INPPL1: variants seen among roughly 807,000 people sequenced by gnomAD.
INPPL1 encodes the protein phosphatidylinositol 3,4,5-trisphosphate 5-phosphatase 2.
In INPPL1, 91 loss-of-function variants were observed where a neutral mutation model predicts 139.3. That is an observed-to-expected ratio of 0.65 (90% confidence interval 0.55 to 0.78). The LOEUF is 0.78. INPPL1 is among the 30% of genes least tolerant of loss of function. The pLI, the probability that INPPL1 is intolerant of heterozygous loss-of-function variation, is 0.00. For synonymous variants in INPPL1, 719 were observed against 686.6 expected, an observed-to-expected ratio of 1.05 and a Z score of -0.74; for missense variants, 1,411 against 1,665.6, an observed-to-expected ratio of 0.85 and a Z score of 2.66.
chr11:72,237,374 T>C lies in INPPL1; in HGVS notation c.3130T>C (p.Ser1044Pro). 1 of 1,612,728 alleles carries C rather than the reference T, an allele frequency of 6.2e-7. No individual in the cohort carries two copies. The highest frequency in any genetic ancestry group is 8.5e-7 in the Non-Finnish European group (1 of 1,179,744). Residue 1044 changes from serine (S) to proline (P), a missense_variant, in exon 26 of 28, where the codon TCT (serine) becomes CCT (proline). Around this residue, in one of 5 missense-constraint regions of INPPL1, gnomAD observed 438 missense variants for 425.7 expected, o/e 1.03. Transcript: ENST00000298229. ...VGEGSSSDEE[S>P]GGTLPPPDFP... ...AGAGGGGAGTTCTTCAGATGAGGAG[T>C]CTGGAGGCACACTGCCCCCTCCAGA...
chr11:72,227,295 A>G (rs901862751), intron 1 of INPPL1, among the ~76,000 whole-genome samples: 1 of 152,188 alleles, frequency 6.6e-6, no homozygotes, highest in Non-Finnish European at 1.5e-5. Context: ...GGGGATAATA[A>G]TATCTGTTTA....
Position 72,235,002 on chromosome 11 carries a change from A to C in INPPL1, c.2416-114A>C. On this transcript the variant is annotated intron_variant, in intron 21 of 27. Coordinates refer to ENST00000298229, the MANE Select transcript of INPPL1 (RefSeq NM_001567.4). The surrounding 1 kb of genome is among the most constrained non-coding windows in gnomAD (Gnocchi z 4.9). Reference sequence around the variant, plus strand: ...GCTCTTCTCTGAAGAGTTGAGTGTGAGTGAGCACAGATGACCTGAGGGTGG... The same window carrying C: ...GCTCTTCTCTGAAGAGTTGAGTGTGCGTGAGCACAGATGACCTGAGGGTGG... 1 of 824,794 alleles carries C rather than the reference A, an allele frequency of 1.2e-6. No homozygotes were observed. The highest frequency in any genetic ancestry group is 2.0e-6 in the Non-Finnish European group (1 of 502,912). The allele number at this position is 824,794 out of a possible 1,614,324, so 51.1% of individuals were successfully genotyped here. A position where few individuals can be genotyped will look rare whatever the true frequency, so the allele number is the denominator to read the frequency against.
At position 72,235,156 on chromosome 11, in the gene INPPL1, AGCACCTCCT is replaced by A; in HGVS notation, c.2459_2467del (p.His820_Leu822del). On this transcript the variant is annotated inframe_deletion, in exon 22 of 28. Transcript: ENST00000298229. This position sits in a 1 kb window ranked among gnomAD's most constrained non-coding sequence, Gnocchi z 4.9. ...GCTGATATCGAGTACCTGCAGGACC[AGCACCTCCT>A]GCTCACAGTCAAGTCCATGGATGGC... The A allele has an allele frequency of 6.2e-7, 1 of 1,614,038 alleles. No homozygotes were observed. Among genetic ancestry groups the A allele is most frequent in the Non-Finnish European group, 8.5e-7 (1 of 1,180,008 alleles).
At chr11:72,229,279 T>C in intron 5 of INPPL1, 49 bp downstream of exon 5, 2 of 1,553,114 alleles carry the variant, frequency 1.3e-6, no homozygotes, top group Non-Finnish European at 1.8e-6. Context: ...CTCTGACCTG[T>C]CCTCACCTGC....
rs1290389677 is a variant in INPPL1, at chr11:72,225,113, C to T, written c.129C>T (p.Ser43=). Reference sequence around the variant, plus strand: ...TGGCCCGGGCGGGCCGCGATGGCAGCTTCCTGGTCCGAGACAGCGAGAGCG... The same window carrying T: ...TGGCCCGGGCGGGCCGCGATGGCAGTTTCCTGGTCCGAGACAGCGAGAGCG... ...ELLARAGRDG[S]FLVRDSESVA... Residue 43 remains serine, a synonymous_variant, in exon 1 of 28, where the codon AGC becomes AGT. Transcript: ENST00000298229. 7.3e-6 allele frequency: 9 copies of T among 1,232,904 alleles called. No individual in the cohort carries two copies. Among genetic ancestry groups the T allele is most frequent in the Non-Finnish European group, 1.0e-6 (1 of 988,540 alleles). The allele number at this position is 1,232,904 out of a possible 1,614,324, so 76.4% of individuals were successfully genotyped here.
In INPPL1 at chr11:72,237,266, CCT is replaced by C; in HGVS notation, c.3023_3024del (p.Pro1008ArgfsTer34). 1 of 1,614,032 alleles carries C rather than the reference CCT, an allele frequency of 6.2e-7. No individual in the cohort carries two copies. The highest frequency in any genetic ancestry group is 1.3e-5 in the African/African-American group (1 of 75,044). ...GGAGCCACCCTCGCCTGCCAGGGCC[CCT>C]GTCCCATCTGCCACCAAGAACAAAG... ...PPEPPSPARA[P>X]VPSATKNKVA... On this transcript the variant is annotated frameshift_variant, in exon 26 of 28. Transcript: ENST00000298229. LOFTEE classifies it high-confidence loss of function.
chr11:72,225,106 A>G lies in INPPL1; in HGVS notation c.122A>G (p.Asp41Gly). ...AEELLARAGR[D>G]GSFLVRDSES... ...GAGCTGCTGGCCCGGGCGGGCCGCG[A>G]TGGCAGCTTCCTGGTCCGAGACAGC... Residue 41 changes from aspartate (D) to glycine (G), a missense_variant, in exon 1 of 28, where the codon GAT becomes GGT. Physicochemically the swap from Asp to Gly is moderately conservative, Grantham distance 94 (BLOSUM62 -1). Coordinates refer to ENST00000298229, the MANE Select transcript of INPPL1 (RefSeq NM_001567.4). The G allele has an allele frequency of 4.1e-6, 5 of 1,232,170 alleles. No homozygotes were observed. The highest frequency in any genetic ancestry group is 3.1e-5 in the East Asian group (1 of 31,826). The allele number at this position is 1,232,170 out of a possible 1,614,324, so 76.3% of individuals were successfully genotyped here. A position where few individuals can be genotyped will look rare whatever the true frequency, so the allele number is the denominator to read the frequency against.
intron 17 of INPPL1, 138 bp from the exon 18 acceptor site, chr11:72,233,303 T>A: frequency 9.5e-7 from 1 of 1,049,594 alleles, no homozygotes; most frequent in Non-Finnish European, 1.4e-6. Flanking sequence ...TCCTGGGTAT[T>A]TTGAGGATCC....
intron 14 of INPPL1, 127 bp downstream of exon 14, chr11:72,232,463 C>A (rs1174158503): frequency 8.2e-7 from 1 of 1,214,356 alleles, no homozygotes; most frequent in Non-Finnish European, 1.2e-6. Flanking sequence ...GCTCTCTTAT[C>A]CCAATTCAAG....
At chr11:72,232,410 C>G in intron 14 of INPPL1, 74 bp downstream of exon 14, 1 of 1,384,484 alleles carries the variant, frequency 7.2e-7, no homozygotes, top group African/African-American at 1.4e-5. Context: ...CTCCCATACC[C>G]TAGCCCATGA....
chr11:72,233,354 G>C (rs1948890048), intron 17 of INPPL1, 87 bp from the exon 18 acceptor site: 1 of 1,195,230 alleles, frequency 8.4e-7, no homozygotes, highest in Non-Finnish European at 1.2e-6. Context: ...TAATAGAAGT[G>C]TGGGGACTCA....
In INPPL1 at chr11:72,237,551, C is replaced by T. The variant is rs1949025832; in HGVS notation, c.3307C>T (p.Pro1103Ser). 1 of 1,600,404 alleles carries T rather than the reference C, an allele frequency of 6.2e-7. No homozygotes were observed. The highest frequency in any genetic ancestry group is 8.5e-7 in the Non-Finnish European group (1 of 1,171,216). The change falls in exon 26 of 28, where the codon CCC becomes TCC. Residue 1103 changes from proline (P) to serine (S), a missense_variant. Transcript: ENST00000298229. ...TCCAAGGCCTCCACTGCCCCCAGGC[C>T]CCTCACCAGCCAGCACTTTCCTGGG... ...AHPRPPLPPG[P>S]SPASTFLGEV...
chr11:72,234,300 C>T lies in INPPL1; in HGVS notation c.2232C>T (p.Asp744=). Residue 744 remains aspartate, a synonymous_variant, in exon 20 of 28, where the codon GAC becomes GAT. Transcript: ENST00000298229. The surrounding 1 kb of genome is among the most constrained non-coding windows in gnomAD (Gnocchi z 4.2). ...CCTCAGGGCTCTCAAAGACTTCAGA[C>T]CAGGCCTACATTGAGTTTGAGAGCA... ...ISKKGLSKTS[D]QAYIEFESIE... The T allele has an allele frequency of 6.2e-7, 1 of 1,613,880 alleles. No homozygotes were observed. Among genetic ancestry groups the T allele is most frequent in the Non-Finnish European group, 8.5e-7 (1 of 1,179,782 alleles).
In INPPL1 at chr11:72,228,369, C is replaced by T. The variant is rs148394356; in HGVS notation, c.268C>T (p.Arg90Cys). 2.4e-5 allele frequency: 38 copies of T among 1,613,344 alleles called. No homozygotes were observed. Among genetic ancestry groups the T allele is most frequent in the African/African-American group, 2.3e-4 (17 of 74,908 alleles). Reference sequence around the variant, plus strand: ...ACAGACCTCGCAGGGTGTGCCTGTGCGCCGCTTCCAGACCCTGGGTGAGCT... The same window carrying T: ...ACAGACCTCGCAGGGTGTGCCTGTGTGCCGCTTCCAGACCCTGGGTGAGCT... ...AVQTSQGVPV[R>C]RFQTLGELIG... Residue 90 changes from arginine (R) to cysteine (C), a missense_variant, in exon 3 of 28, where the codon CGC becomes TGC. Physicochemically the swap from Arg to Cys is radical, Grantham distance 180. Around this residue, in one of 5 missense-constraint regions of INPPL1, gnomAD observed 504 missense variants for 595.6 expected, o/e 0.85. Coordinates refer to ENST00000298229, the MANE Select transcript of INPPL1 (RefSeq NM_001567.4). This position sits in a 1 kb window ranked among gnomAD's most constrained non-coding sequence, Gnocchi z 5.0.
intron 6 of INPPL1, 45 bp from the exon 7 acceptor site, chr11:72,229,618 C>A (rs1311542261): frequency 6.2e-7 from 1 of 1,611,920 alleles, no homozygotes; most frequent in South Asian, 1.1e-5. Flanking sequence ...GTGGGAGGCT[C>A]TGCTTAGGTG....
Position 72,232,768 on chromosome 11 carries a change from C to T in INPPL1, c.1851+4C>T, listed in dbSNP as rs770064302. The T allele has an allele frequency of 2.4e-5, 38 of 1,613,856 alleles. No individual in the cohort carries two copies. The highest frequency in any genetic ancestry group is 2.7e-5 in the African/African-American group (2 of 74,878). The stretch of plus-strand genomic sequence containing the variant: ...CCGCCTGGACATGGATATCCAGGTG[C>T]GAGCAGGGCCCTGCCATGGCTGTAG... On this transcript the variant is annotated splice_donor_region_variant and intron_variant, in intron 15 of 27. Coordinates refer to ENST00000298229, the MANE Select transcript of INPPL1 (RefSeq NM_001567.4).
chr11:72,233,373 G>A (rs930781214), intron 17 of INPPL1, 68 bp from the exon 18 acceptor site: 1 of 1,369,228 alleles, frequency 7.3e-7, no homozygotes, highest in Admixed American at 1.7e-5. Context: ...CATCAGCTCT[G>A]GAGTGGGGTC....
chr11:72,230,334 C>T (rs201181686), intron 9 of INPPL1, 28 bp from the exon 10 acceptor site: 2 of 1,613,570 alleles, frequency 1.2e-6, no homozygotes, highest in Non-Finnish European at 1.7e-6. Context: ...GGGGCACAGG[C>T]CCATGTGACC....
Position 72,234,300 on chromosome 11 carries a change from C to A in INPPL1, c.2232C>A (p.Asp744Glu), listed in dbSNP as rs1406339737. ...ISKKGLSKTS[D>E]QAYIEFESIE... ...CCTCAGGGCTCTCAAAGACTTCAGA[C>A]CAGGCCTACATTGAGTTTGAGAGCA... The change falls in exon 20 of 28, where the codon GAC becomes GAA. Residue 744 changes from aspartate (D) to glutamate (E), a missense_variant. Physicochemically the swap from Asp to Glu is conservative, Grantham distance 45. This residue lies in a region of INPPL1 where 363 missense variants were observed against 446.2 expected (regional missense o/e 0.81). Coordinates refer to ENST00000298229, the MANE Select transcript of INPPL1 (RefSeq NM_001567.4). This position sits in a 1 kb window ranked among gnomAD's most constrained non-coding sequence, Gnocchi z 4.2. The A allele has an allele frequency of 1.2e-6, 2 of 1,613,880 alleles. No individual in the cohort carries two copies. The highest frequency in any genetic ancestry group is 1.7e-6 in the Non-Finnish European group (2 of 1,179,782).
Sources: gnomAD v4.1 joint callset for allele counts (sites outside exome capture counted in the v4.1 genomes callset) on GRCh38, gnomAD v4.1.1 for gene constraint, gnomAD v4.1.1 regional missense constraint, Gnocchi (gnomAD v3.1) non-coding constraint, MANE v1.5 for transcripts, NCBI Gene and HGNC (gene_info 2026-07-23, HGNC 2026-07-21) for gene names.